MAN1A1: variants seen among roughly 807,000 people sequenced by gnomAD.
MAN1A1 encodes the protein mannosidase alpha class 1A member 1, also known as mannosyl-oligosaccharide 1,2-alpha-mannosidase IA.
A neutral mutation model predicts 70.8 loss-of-function variants in MAN1A1; 29 were observed. The ratio of observed to expected loss-of-function variants is 0.41; its 90% CI spans 0.31 to 0.56. MAN1A1 has a LOEUF of 0.56. Among genes scored for constraint, MAN1A1 ranks in the 20% least tolerant of loss-of-function variants. MAN1A1 has a pLI of 0.29. For missense variants in MAN1A1, 747 were observed against 841.3 expected (o/e 0.89, Z 1.39); for synonymous variants, 349 against 330.1 (o/e 1.06, Z -0.62).
chr6:119,190,596 A>G (rs1037965077), intron 9 of MAN1A1, among the ~76,000 whole-genome samples: 8 of 152,344 alleles, frequency 5.3e-5, no homozygotes, highest in African/African-American at 1.9e-4. Context: ...TTACATCTCC[A>G]AAGTGGTGAC....
intron 6 of MAN1A1, among the ~76,000 whole-genome samples, chr6:119,229,514 T>C (rs909560551): frequency 1.3e-5 from 2 of 152,232 alleles, no homozygotes; most frequent in South Asian, 2.1e-4. Flanking sequence ...ATATTACTTA[T>C]CTATAAATTG....
intron 3 of MAN1A1, among the ~76,000 whole-genome samples, chr6:119,302,526 C>T (rs528227241): frequency 1.1e-4 from 17 of 152,062 alleles, no homozygotes; most frequent in East Asian, 1.9e-4. Flanking sequence ...GGACTATAGG[C>T]GCATGCCACC....
In MAN1A1 at chr6:119,189,820, CT is replaced by C. The variant is rs776459421; in HGVS notation, c.1389del (p.Gly465AlafsTer10). 6.2e-7 allele frequency: 1 copy of C among 1,614,132 alleles called. No homozygotes were observed. The highest frequency in any genetic ancestry group is 8.5e-7 in the Non-Finnish European group (1 of 1,179,998). On this transcript the variant is annotated frameshift_variant, in exon 10 of 13. Transcript: ENST00000368468. LOFTEE classifies it high-confidence loss of function. Reference sequence around the variant, plus strand: ...CCCATCTTGTGCTCCAGGAGGCCCCCTTTCCACTCTGCGATATAAGTTAGTC... The same window carrying C: ...CCCATCTTGTGCTCCAGGAGGCCCCCTTCCACTCTGCGATATAAGTTAGTC... ...SSGLTYIAEWKGGLLEHKMGH... is the reference protein window; with the variant it reads ...SSGLTYIAEWXGGLLEHKMGH...
intron 6 of MAN1A1, among the ~76,000 whole-genome samples, chr6:119,239,994 G>T (rs1774958783): frequency 6.6e-6 from 1 of 152,196 alleles, no homozygotes; most frequent in Admixed American, 6.5e-5. Context: ...AAGCCACTTT[G>T]AAATTGTTGC....
At chr6:119,205,759 TA>T (rs1476863310) in intron 6 of MAN1A1, among the ~76,000 whole-genome samples, 1 of 152,226 alleles carries the variant, frequency 6.6e-6, no homozygotes, top group East Asian at 1.9e-4. Flanking sequence ...ATTCTCCTAA[TA>T]AATTCCCTTT....
intron 6 of MAN1A1, among the ~76,000 whole-genome samples, chr6:119,209,163 T>C (rs2267672): frequency 0.42 from 63,367 of 151,200 alleles, 13,777 homozygotes; most frequent in East Asian, 0.67. Context: ...ACAAATATAT[T>C]TGGCTACCTA....
chr6:119,274,771 C>T (rs1776008916), intron 5 of MAN1A1, among the ~76,000 whole-genome samples: 1 of 152,184 alleles, frequency 6.6e-6, no homozygotes, highest in Non-Finnish European at 1.5e-5. Flanking sequence ...AATCACATGG[C>T]TGTCTTTATA....
intron 2 of MAN1A1, among the ~76,000 whole-genome samples, chr6:119,337,430 C>T (rs1773483309): frequency 6.6e-6 from 1 of 152,220 alleles, no homozygotes; most frequent in Non-Finnish European, 1.5e-5. Context: ...AGAGCATATT[C>T]ATTCAACAAA....
chr6:119,221,484 T>C (rs1582709175), intron 6 of MAN1A1, among the ~76,000 whole-genome samples: 2 of 151,054 alleles, frequency 1.3e-5, no homozygotes, highest in African/African-American at 4.8e-5. Flanking sequence ...TTTTTTTTTT[T>C]TTTTCGAGAC....
At chr6:119,186,787 C>G (rs1773303738) in intron 11 of MAN1A1, among the ~76,000 whole-genome samples, 1 of 152,110 alleles carries the variant, frequency 6.6e-6, no homozygotes, top group Non-Finnish European at 1.5e-5. Context: ...GGCATAACAC[C>G]AGGGGAAAAA....
intron 9 of MAN1A1, among the ~76,000 whole-genome samples, chr6:119,193,543 T>C (rs1773494382): frequency 6.6e-6 from 1 of 152,212 alleles, no homozygotes; most frequent in African/African-American, 2.4e-5. Context: ...CTTTTTCAGA[T>C]ATGTGACTCT....
intron 6 of MAN1A1, among the ~76,000 whole-genome samples, chr6:119,222,707 C>A (rs764332390): frequency 1.3e-5 from 2 of 152,146 alleles, no homozygotes; most frequent in African/African-American, 2.4e-5. Context: ...AACTTCTTCA[C>A]CATGACTAGT....
intron 6 of MAN1A1, among the ~76,000 whole-genome samples, chr6:119,208,493 G>C (rs1345229772): frequency 6.6e-6 from 1 of 152,186 alleles, no homozygotes; most frequent in Non-Finnish European, 1.5e-5. Context: ...GCTATAATTT[G>C]AATGTAGTTT....
intron 7 of MAN1A1, 108 bp downstream of exon 7, chr6:119,204,651 A>G (rs901148202): frequency 1.5e-6 from 2 of 1,354,068 alleles, no homozygotes; most frequent in Non-Finnish European, 2.0e-6. Flanking sequence ...AAGAGCTATA[A>G]CAAATTTGGT....
At chr6:119,204,928 G>GT (rs764312857) in intron 6 of MAN1A1, 46 bp from the exon 7 acceptor site, 2 of 1,593,390 alleles carry the variant, frequency 1.3e-6, no homozygotes, top group Non-Finnish European at 1.7e-6. Context: ...GATTAACTCC[G>GT]TTTTTCACTA....
At chr6:119,257,033 T>A (rs1371267937) in intron 5 of MAN1A1, among the ~76,000 whole-genome samples, 2 of 152,034 alleles carry the variant, frequency 1.3e-5, no homozygotes, top group African/African-American at 2.4e-5. Context: ...ACTGTGGGAA[T>A]TTTTTTTAAA....
At chr6:119,330,650 G>A (rs947692205) in intron 2 of MAN1A1, among the ~76,000 whole-genome samples, 1 of 152,032 alleles carries the variant, frequency 6.6e-6, no homozygotes, top group African/African-American at 2.4e-5. Context: ...CTAAACACCT[G>A]GTCAGACGCC....
chr6:119,270,347 C>G (rs1407396344), intron 5 of MAN1A1, among the ~76,000 whole-genome samples: 2 of 152,094 alleles, frequency 1.3e-5, no homozygotes, highest in Non-Finnish European at 2.9e-5. Context: ...TTAATATTTT[C>G]AATTAAAACT....
intron 2 of MAN1A1, among the ~76,000 whole-genome samples, chr6:119,320,857 C>A (rs1197597181): frequency 6.6e-6 from 1 of 152,060 alleles, no homozygotes; most frequent in African/African-American, 2.4e-5. Context: ...ATCTGTAGTG[C>A]TAGTAAAAAC....
Sources: allele counts gnomAD v4.1 joint callset (sites outside exome capture counted in the v4.1 genomes callset), GRCh38; gene constraint gnomAD v4.1.1; transcripts MANE v1.5; gene names NCBI Gene and HGNC (gene_info 2026-07-23, HGNC 2026-07-21).